The following UTS2 variants were observed in gnomAD, a reference collection of about 807,000 sequenced individuals.
UTS2 encodes the protein urotensin 2.
In UTS2, 10 loss-of-function variants were observed where a neutral mutation model predicts 12.6. The observed-to-expected ratio is 0.80, with a 90% confidence interval of 0.49 to 1.35. UTS2 has a LOEUF of 1.35. Ranked by LOEUF, UTS2 falls within the 40% of genes most tolerant of loss-of-function variation. The probability of loss-of-function intolerance (pLI) is 0.00; values close to 1 mark genes in which losing one functional copy is unlikely to be tolerated. For missense variants in UTS2, 142 were observed against 143.2 expected, an observed-to-expected ratio of 0.99 and a Z score of 0.04; for synonymous variants, 52 against 50.0, an observed-to-expected ratio of 1.04 and a Z score of -0.17.
At chr1:7,900,767 T>C in the UTS2 span, among the ~76,000 whole-genome samples, 18,340 of 147,220 alleles carry the variant, frequency 0.12, 2,442 homozygotes, top group East Asian at 0.56. Flanking sequence ...GGCTACAGAG[T>C]GAGATTCCAT....
chr1:7,862,154 T>TC, the UTS2 span, among the ~76,000 whole-genome samples: 1,263 of 149,696 alleles, frequency 8.4e-3, 6 homozygotes, highest in Non-Finnish European at 0.013. Flanking sequence ...CTCAGGTGAT[T>TC]CCCCCCCCGC....
the UTS2 span, among the ~76,000 whole-genome samples, chr1:7,887,369 A>T: frequency 6.6e-6 from 1 of 152,140 alleles, no homozygotes; most frequent in Non-Finnish European, 1.5e-5. Context: ...GGACTTGGGC[A>T]CATGTTTACA....
At chr1:7,875,407 T>G in the UTS2 span, among the ~76,000 whole-genome samples, 1 of 152,070 alleles carries the variant, frequency 6.6e-6, no homozygotes, top group South Asian at 2.1e-4. Flanking sequence ...AGTGTGAAAA[T>G]GGACTAATAC....
At chr1:7,893,871 C>T in the UTS2 span, among the ~76,000 whole-genome samples, 1 of 152,320 alleles carries the variant, frequency 6.6e-6, no homozygotes, top group East Asian at 1.9e-4. Flanking sequence ...AAGGAAAAAA[C>T]CCACACCATC....
chr1:7,864,885 G>A, the UTS2 span, among the ~76,000 whole-genome samples: 16 of 150,016 alleles, frequency 1.1e-4, no homozygotes, highest in East Asian at 4.0e-4. Flanking sequence ...CCCCGATACC[G>A]TCTTCCCCAT....
chr1:7,877,994 T>C, the UTS2 span, among the ~76,000 whole-genome samples: 1 of 152,164 alleles, frequency 6.6e-6, no homozygotes, highest in Non-Finnish European at 1.5e-5. Flanking sequence ...CCAAGGCACA[T>C]TATAGTTAAA....
chr1:7,863,091 T>C, the UTS2 span, among the ~76,000 whole-genome samples: 1 of 124,240 alleles, frequency 8.0e-6, no homozygotes, highest in African/African-American at 3.4e-5. Flanking sequence ...TTGTATTGTA[T>C]TGTATTGTAT....
chr1:7,904,476 C>T, the UTS2 span, among the ~76,000 whole-genome samples: 2 of 145,198 alleles, frequency 1.4e-5, no homozygotes, highest in South Asian at 4.2e-4. Flanking sequence ...GACTCCATCT[C>T]GTAAAAAAAA....
At chr1:7,863,173 G>A in the UTS2 span, among the ~76,000 whole-genome samples, 3,665 of 151,448 alleles carry the variant, frequency 0.024, 80 homozygotes, top group Non-Finnish European at 0.04. Flanking sequence ...GTCCAATGGC[G>A]CAATCTTGGC....
At chr1:7,885,019 TCCAC>T in the UTS2 span, among the ~76,000 whole-genome samples, 1 of 148,008 alleles carries the variant, frequency 6.8e-6, no homozygotes, top group Non-Finnish European at 1.5e-5. Flanking sequence ...CACTCATCCA[TCCAC>T]CCACCCACCC....
At chr1:7,877,271 A>G in the UTS2 span, among the ~76,000 whole-genome samples, 1 of 152,186 alleles carries the variant, frequency 6.6e-6, no homozygotes, top group African/African-American at 2.4e-5. Flanking sequence ...AAAGAGATCT[A>G]CCAAATGCCT....
the UTS2 span, among the ~76,000 whole-genome samples, chr1:7,904,339 T>C: frequency 6.6e-6 from 1 of 151,020 alleles, no homozygotes; most frequent in Non-Finnish European, 1.5e-5. Context: ...AAGCTGGGCA[T>C]GGTGGCGCAT....
the UTS2 span, among the ~76,000 whole-genome samples, chr1:7,905,041 A>G: frequency 6.6e-6 from 1 of 152,020 alleles, no homozygotes; most frequent in Non-Finnish European, 1.5e-5. Flanking sequence ...GGTTAATTTC[A>G]CCTGTCACCT....
the UTS2 span, among the ~76,000 whole-genome samples, chr1:7,892,923 TCA>T: frequency 5.3e-5 from 8 of 152,126 alleles, no homozygotes; most frequent in Non-Finnish European, 4.4e-5. Flanking sequence ...GGTAAAATAT[TCA>T]CAGTTTTTGG....
the UTS2 span, among the ~76,000 whole-genome samples, chr1:7,910,790 A>C: frequency 6.6e-6 from 1 of 152,078 alleles, no homozygotes; most frequent in Non-Finnish European, 1.5e-5. Context: ...GCAGTGGCAC[A>C]ATCATGGTTC....
the UTS2 span, among the ~76,000 whole-genome samples, chr1:7,905,326 G>A: frequency 1.5e-4 from 23 of 151,792 alleles, no homozygotes; most frequent in East Asian, 4.1e-3. Flanking sequence ...TGTATTTTTA[G>A]TAGACACGGG....
At chr1:7,852,322 ATTTC>A (rs2097415007) in intron 1 of UTS2, among the ~76,000 whole-genome samples, 1 of 152,198 alleles carries the variant, frequency 6.6e-6, no homozygotes. Flanking sequence ...ACTGATGTGT[ATTTC>A]TTTAACTCAA....
the UTS2 span, among the ~76,000 whole-genome samples, chr1:7,888,367 A>C: frequency 6.2e-5 from 9 of 144,798 alleles, no homozygotes; most frequent in East Asian, 2.0e-4. Context: ...GCATGTCCCC[A>C]CTCCCACCCC....
the UTS2 span, among the ~76,000 whole-genome samples, chr1:7,876,730 C>T: frequency 1.3e-5 from 2 of 149,430 alleles, no homozygotes; most frequent in African/African-American, 2.5e-5. Flanking sequence ...AAGTGCCCTA[C>T]CCAACCAACA....
Sources: allele counts gnomAD v4.1 joint callset (sites outside exome capture counted in the v4.1 genomes callset), GRCh38; gene constraint gnomAD v4.1.1; transcripts MANE v1.5; gene names NCBI Gene and HGNC (gene_info 2026-07-23, HGNC 2026-07-21).